EPB41L1: variants seen among roughly 807,000 people sequenced by gnomAD.
EPB41L1 encodes erythrocyte membrane protein band 4.1 like 1.
Under a neutral mutation model 97.8 loss-of-function variants are expected in EPB41L1, and 29 were observed. That is an observed-to-expected ratio of 0.30 (90% CI 0.22 to 0.40). The LOEUF is 0.40. Among genes scored for constraint, EPB41L1 ranks in the 10% least tolerant of loss-of-function variants. The pLI is 1.00. For synonymous variants in EPB41L1, 383 were observed against 459.2 expected, an observed-to-expected ratio of 0.83 and a Z score of 2.12; for missense variants, 812 against 1,162.3, an observed-to-expected ratio of 0.70 and a Z score of 4.38.
chr20:36,171,333 C>T (rs1041058088), intron 1 of EPB41L1, among the ~76,000 whole-genome samples: 8 of 152,172 alleles, frequency 5.3e-5, no homozygotes, highest in African/African-American at 1.9e-4. Flanking sequence ...TGTATCCTGG[C>T]CTGGAGTCAG....
chr20:36,100,337 C>A (rs1306070453), intron 1 of EPB41L1, among the ~76,000 whole-genome samples: 3 of 152,154 alleles, frequency 2.0e-5, no homozygotes, highest in Admixed American at 1.3e-4. Flanking sequence ...TCCCTCTCCC[C>A]ACCTTGTCCC....
rs1409912519 is a variant in EPB41L1 at position 36,207,654 on chromosome 20, A to G, written c.1669-1834A>G. The G allele has an allele frequency of 3.1e-6, 4 of 1,290,072 alleles. No individual in the cohort carries two copies. Among genetic ancestry groups the G allele is most frequent in the Non-Finnish European group, 4.0e-6 (4 of 988,926 alleles). 79.9% of individuals were successfully genotyped at this position (1,290,072 alleles called of 1,614,324 possible). ...CCAAAGCCACACATTCCACAGTGAT[A>G]CCTCTGGCTACCAGACACTTCAGGG... is the stretch of plus-strand genomic sequence containing the variant. On this transcript the variant is annotated intron_variant, in intron 14 of 21. Transcript: ENST00000338074. The surrounding 1 kb of genome is among the most constrained non-coding windows in gnomAD (Gnocchi z 4.9).
intron 1 of EPB41L1, among the ~76,000 whole-genome samples, chr20:36,100,735 C>T (rs78744669): frequency 0.016 from 2,410 of 152,270 alleles, 20 homozygotes; most frequent in Middle Eastern, 0.027. Flanking sequence ...ACAGAGCCTG[C>T]GGGAGCATTT....
At chr20:36,220,699 G>A (rs2063730249) in intron 19 of EPB41L1, among the ~76,000 whole-genome samples, 1 of 152,148 alleles carries the variant, frequency 6.6e-6, no homozygotes, top group African/African-American at 2.4e-5. Context: ...GCCTGGACCA[G>A]GGTGTGAGTT....
At chr20:36,139,369 G>T (rs1174835623) in intron 2 of EPB41L1, among the ~76,000 whole-genome samples, 1 of 152,210 alleles carries the variant, frequency 6.6e-6, no homozygotes, top group Non-Finnish European at 1.5e-5. Flanking sequence ...AGTTTTATAA[G>T]TTCAAGCCAG....
At chr20:36,127,359 TC>T (rs1319354598) in intron 2 of EPB41L1, among the ~76,000 whole-genome samples, 1 of 152,184 alleles carries the variant, frequency 6.6e-6, no homozygotes. Flanking sequence ...CCTGATTGGC[TC>T]CTGCTGGAGC....
chr20:36,175,435 G>A (rs1600744038), intron 2 of EPB41L1, 116 bp from the exon 3 acceptor site: 18 of 1,273,566 alleles, frequency 1.4e-5, no homozygotes, highest in Non-Finnish European at 1.8e-5. Context: ...AGACGGTAGC[G>A]ACTTTCATTC....
intron 1 of EPB41L1, among the ~76,000 whole-genome samples, chr20:36,170,213 C>T (rs2060930206): frequency 6.6e-6 from 1 of 152,030 alleles, no homozygotes; most frequent in African/African-American, 2.4e-5. Flanking sequence ...ATCTCCTTCT[C>T]ATACTGCCAT....
intron 1 of EPB41L1, chr20:36,155,862 C>T: frequency 3.1e-6 from 1 of 320,560 alleles, no homozygotes. Context: ...TTTAGGACCT[C>T]TCCAGGGCTG....
At chr20:36,126,011 C>T (rs770485509) in intron 2 of EPB41L1, among the ~76,000 whole-genome samples, 44 of 151,644 alleles carry the variant, frequency 2.9e-4, no homozygotes, top group Non-Finnish European at 4.0e-4. Context: ...CAGACTTTCT[C>T]GATGGGGGGC....
At position 36,232,534 on chromosome 20, in the gene EPB41L1, C is replaced by T. The variant is rs1259056953; in HGVS notation, c.*3194C>T. ...TTTCCATCTGAGGGTACAGGAAGTA[C>T]CAGGACCTGTTTCAGTTTTTGAATC... On this transcript the variant is annotated 3_prime_UTR_variant, in exon 22 of 22. Coordinates refer to ENST00000338074, the MANE Select transcript of EPB41L1 (RefSeq NM_012156.2). 2 of 398,622 alleles carry T rather than the reference C, an allele frequency of 5.0e-6. No individual in the cohort carries two copies. The highest frequency in any genetic ancestry group is 4.4e-6 in the Non-Finnish European group (1 of 226,062). The allele number at this position is 398,622 out of a possible 1,614,324, so 24.7% of individuals were successfully genotyped here.
intron 1 of EPB41L1, among the ~76,000 whole-genome samples, chr20:36,157,815 T>A (rs1280100507): frequency 1.3e-5 from 2 of 152,154 alleles, no homozygotes; most frequent in African/African-American, 4.8e-5. Context: ...GGGCTGGCTC[T>A]GGACACATCC....
intron 14 of EPB41L1, among the ~76,000 whole-genome samples, chr20:36,203,857 G>C (rs918555510): frequency 2.0e-5 from 3 of 152,120 alleles, no homozygotes; most frequent in Non-Finnish European, 4.4e-5. Context: ...AACACAGTGG[G>C]GACAGAGGGT....
chr20:36,096,967 C>T (rs1196194238), intron 1 of EPB41L1, among the ~76,000 whole-genome samples: 1 of 152,244 alleles, frequency 6.6e-6, no homozygotes, highest in Non-Finnish European at 1.5e-5. Context: ...TTCAATGCTG[C>T]ATCTCCCATC....
At chr20:36,176,949 A>G (rs1293619012) in intron 3 of EPB41L1, among the ~76,000 whole-genome samples, 1 of 152,168 alleles carries the variant, frequency 6.6e-6, no homozygotes, top group East Asian at 1.9e-4. Flanking sequence ...TATTTTGTCT[A>G]TAGAAAGATT....
intron 3 of EPB41L1, among the ~76,000 whole-genome samples, chr20:36,177,284 G>A (rs746513534): frequency 1.7e-4 from 26 of 152,176 alleles, no homozygotes; most frequent in Non-Finnish European, 3.7e-4. Flanking sequence ...TGCCCAGTCG[G>A]GTTCTCGGCT....
chr20:36,129,365 C>T (rs2059102621), intron 2 of EPB41L1, among the ~76,000 whole-genome samples: 1 of 151,908 alleles, frequency 6.6e-6, no homozygotes, highest in Non-Finnish European at 1.5e-5. Context: ...CTGGGGGGAG[C>T]CTGGTTTGCA....
chr20:36,219,044 G>T (rs1161857415), intron 18 of EPB41L1, 82 bp downstream of exon 18: 1 of 1,431,608 alleles, frequency 7.0e-7, no homozygotes, highest in African/African-American at 1.4e-5. Context: ...GGCAGGAAGT[G>T]CAGCGTTGAG....
In EPB41L1 at chr20:36,188,581, A is replaced by AACACACACACACAC. The variant is rs55990020; in HGVS notation, c.1026+130_1026+143dup. On this transcript the variant is annotated intron_variant, in intron 9 of 21. Transcript: ENST00000338074. ...CCCTGGCAGCTGGGCCTGGACTGCCAACACACACACACACACACACACACA... is the reference window on the plus strand; with the variant it reads ...CCCTGGCAGCTGGGCCTGGACTGCCAACACACACACACACACACACACACACACACACACACACA... 1.3e-4 allele frequency: 61 copies of AACACACACACACAC among 467,424 alleles called. 1 individual carries two copies. Among genetic ancestry groups the AACACACACACACAC allele is most frequent in the African/African-American group, 1.0e-3 (29 of 27,626 alleles). The allele number at this position is 467,424 out of a possible 1,614,324, so 29.0% of individuals were successfully genotyped here.
Sources: allele counts gnomAD v4.1 joint callset (sites outside exome capture counted in the v4.1 genomes callset), GRCh38; gene constraint gnomAD v4.1.1; non-coding constraint Gnocchi (gnomAD v3.1); transcripts MANE v1.5; gene names NCBI Gene and HGNC (gene_info 2026-07-23, HGNC 2026-07-21).